ZSCAN18: variants seen among roughly 807,000 people sequenced by gnomAD.
ZSCAN18 encodes the protein zinc finger and SCAN domain-containing protein 18.
ZSCAN18 carries 16 observed loss-of-function variants against 31.1 expected under a neutral mutation model. The observed-to-expected ratio is 0.51, with a 90% CI of 0.35 to 0.78. The LOEUF (loss-of-function observed/expected upper bound fraction) is 0.78, where lower values mean the gene tolerates loss of function less well. Ranked by LOEUF, ZSCAN18 falls within the 30% of genes least tolerant of loss-of-function variation. The pLI, the probability that ZSCAN18 is intolerant of heterozygous loss-of-function variation, is 0.01. For synonymous variants in ZSCAN18, 375 were observed against 320.7 expected, an observed-to-expected ratio of 1.17 and a Z score of -1.81; for missense variants, 731 against 697.4, an observed-to-expected ratio of 1.05 and a Z score of -0.54.
At chr19:58,086,638 G>T (rs1015848853) in intron 5 of ZSCAN18, 11 of 503,884 alleles carry the variant, frequency 2.2e-5, no homozygotes, top group African/African-American at 2.1e-4. Context: ...TGGCAAGGAG[G>T]GTGGCAATGT....
chr19:58,107,937 C>T (rs985237570), intron 1 of ZSCAN18: 1 of 1,074,742 alleles, frequency 9.3e-7, no homozygotes, highest in Non-Finnish European at 1.1e-6. Flanking sequence ...GGGCTTCTCA[C>T]CAGTATGAGT....
At position 58,085,051 on chromosome 19, in the gene ZSCAN18, G is replaced by A. The variant is rs760366469; in HGVS notation, c.1167C>T (p.Gly389=). ...GCCCGGCCTCCAGCCCTGCGCTGTC[G>A]CCGGAGCTAGAGACGCCCTCGAGGC... ...GQSLEGVSSS[G]DSAGLEAGQG... is the part of the protein sequence containing the mutation. Residue 389 remains glycine, a synonymous_variant, in exon 7 of 7, where the codon GGC becomes GGT. Coordinates refer to ENST00000601144, the MANE Select transcript of ZSCAN18 (RefSeq NM_001145543.2). 1.6e-5 allele frequency: 26 copies of A among 1,597,450 alleles called. No individual in the cohort carries two copies. The highest frequency in any genetic ancestry group is 9.0e-5 in the East Asian group (4 of 44,498).
chr19:58,089,236 G>A (rs2074353747), intron 2 of ZSCAN18, among the ~76,000 whole-genome samples: 1 of 141,760 alleles, frequency 7.1e-6, no homozygotes, highest in Non-Finnish European at 1.5e-5. Flanking sequence ...CCGGGAGGCG[G>A]AGCTTGCAGT....
At chr19:58,099,116 T>C (rs902931504), upstream of ZSCAN18, among the ~76,000 whole-genome samples, 1 of 148,758 alleles carries the variant, frequency 6.7e-6, no homozygotes, top group African/African-American at 2.4e-5. Flanking sequence ...AAAATGTATA[T>C]CTGAACAGTT....
chr19:58,098,813 C>T (rs1299601131), upstream of ZSCAN18, among the ~76,000 whole-genome samples: 1 of 152,170 alleles, frequency 6.6e-6, no homozygotes, highest in Admixed American at 6.5e-5. Context: ...GACCAGCAGA[C>T]CCAGTACTGG....
At chr19:58,098,859 G>A (rs73577096), upstream of ZSCAN18, among the ~76,000 whole-genome samples, 2,911 of 152,256 alleles carry the variant, frequency 0.019, 103 homozygotes, top group African/African-American at 0.065. Context: ...ACACTGATGC[G>A]CTAAAATGGG....
At chr19:58,093,347 G>A (rs2074453688) in intron 1 of ZSCAN18, 1 of 152,364 alleles carries the variant, frequency 6.6e-6, no homozygotes, top group Admixed American at 6.5e-5. Context: ...TGCCTCATTT[G>A]TTTTTGGCAG....
intron 1 of ZSCAN18, among the ~76,000 whole-genome samples, chr19:58,113,872 G>A (rs756790044): frequency 6.6e-6 from 1 of 152,128 alleles, no homozygotes; most frequent in Non-Finnish European, 1.5e-5. Context: ...CAGCTACTCG[G>A]GAGGCTGAGG....
At position 58,084,795 on chromosome 19, in the gene ZSCAN18, G is replaced by A. The variant is rs1245690645; in HGVS notation, c.1423C>T (p.Arg475Trp). 6.3e-7 allele frequency: 1 copy of A among 1,579,088 alleles called. No homozygotes were observed. Among genetic ancestry groups the A allele is most frequent in the Non-Finnish European group, 8.6e-7 (1 of 1,168,416 alleles). ...KEKSYALGGA[R>W]GPQPSTREAQ... The stretch of plus-strand genomic sequence containing the variant: ...TCGCGGGTGGACGGTTGGGGGCCCC[G>A]GGCGCCCCCCAGCGCGTAGCTTTTC... Residue 475 changes from arginine to tryptophan, a missense_variant, in exon 7 of 7, where the codon CGG becomes TGG. Arg to Trp is a moderately radical substitution (Grantham distance 101). Around this residue, in one of 4 missense-constraint regions of ZSCAN18, gnomAD observed 597 missense variants for 499.5 expected, o/e 1.20. Transcript: ENST00000601144. The surrounding 1 kb of genome is among the most constrained non-coding windows in gnomAD (Gnocchi z 4.5).
At chr19:58,086,417 C>T in intron 5 of ZSCAN18, 151 bp from the exon 6 acceptor site, 1 of 613,560 alleles carries the variant, frequency 1.6e-6, no homozygotes, top group Non-Finnish European at 2.8e-6. Context: ...TGTTAGGCCC[C>T]TGGACAGTGG....
chr19:58,118,347 C>G, exon 1 of ZSCAN18: 1 of 1,533,698 alleles, frequency 6.5e-7, no homozygotes, highest in Non-Finnish European at 8.8e-7. Context: ...ACGGAACTCA[C>G]TTCCCGCCGC....
intron 1 of ZSCAN18, among the ~76,000 whole-genome samples, chr19:58,091,265 CAAAAA>C (rs5828749): frequency 1.7e-5 from 2 of 116,050 alleles, no homozygotes; most frequent in Admixed American, 8.8e-5. Flanking sequence ...GACTCTGTCT[CAAAAA>C]AAAAAAAAAA....
At chr19:58,117,779 A>G (rs527907367) in intron 1 of ZSCAN18, among the ~76,000 whole-genome samples, 176 of 151,320 alleles carry the variant, frequency 1.2e-3, no homozygotes, top group African/African-American at 4.2e-3. Context: ...AAAAAAAAAA[A>G]GGGATCCGCC....
intron 1 of ZSCAN18, among the ~76,000 whole-genome samples, chr19:58,111,202 G>A (rs1222616527): frequency 2.0e-5 from 3 of 151,874 alleles, no homozygotes; most frequent in Non-Finnish European, 4.4e-5. Context: ...GGAGGTAATC[G>A]CTGCTCTGAC....
intron 1 of ZSCAN18, among the ~76,000 whole-genome samples, chr19:58,097,367 T>A (rs1389060960): frequency 4.0e-5 from 6 of 148,150 alleles, no homozygotes; most frequent in Non-Finnish European, 1.5e-5. Context: ...GGGGAAGGAG[T>A]GATGGGAGGG....
rs1273831407 is a variant in ZSCAN18, at chr19:58,090,683, G to A, written c.-119-297C>T. On this transcript the variant is annotated intron_variant, in intron 1 of 6. Coordinates refer to ENST00000601144, the MANE Select transcript of ZSCAN18 (RefSeq NM_001145543.2). This position sits in a 1 kb window ranked among gnomAD's most constrained non-coding sequence, Gnocchi z 4.7. ...CGGCTCAATGCAACCTCTACCTCCC[G>A]GGTTCAAGCGAGTCTCCTGCCTCAG... The A allele has an allele frequency of 1.6e-5, 4 of 245,904 alleles. No homozygotes were observed. Among genetic ancestry groups the A allele is most frequent in the South Asian group, 1.2e-4 (1 of 8,674 alleles). The allele number at this position is 245,904 out of a possible 1,614,324, so 15.2% of individuals were successfully genotyped here.
Position 58,090,371 on chromosome 19 carries a change from G to A in ZSCAN18, c.-104C>T. On this transcript the variant is annotated 5_prime_UTR_variant, in exon 2 of 7. Coordinates refer to ENST00000601144, the MANE Select transcript of ZSCAN18 (RefSeq NM_001145543.2). This position sits in a 1 kb window ranked among gnomAD's most constrained non-coding sequence, Gnocchi z 4.7. The stretch of plus-strand genomic sequence containing the variant: ...CAGATGCCCAGTGGGCTCAGGTGGT[G>A]CCAGAACCCACAGACCTGCAGAGGA... 1 of 1,581,108 alleles carries A rather than the reference G, an allele frequency of 6.3e-7. No individual in the cohort carries two copies. The highest frequency in any genetic ancestry group is 8.6e-7 in the Non-Finnish European group (1 of 1,161,100).
chr19:58,115,478 TC>T (rs1402578322), intron 1 of ZSCAN18, among the ~76,000 whole-genome samples: 1 of 152,206 alleles, frequency 6.6e-6, no homozygotes, highest in African/African-American at 2.4e-5. Flanking sequence ...TGCATTTACT[TC>T]CTGTTTTCTT....
intron 3 of ZSCAN18, 90 bp downstream of exon 3, chr19:58,088,598 G>A: frequency 7.2e-7 from 1 of 1,396,992 alleles, no homozygotes; most frequent in South Asian, 1.3e-5. Flanking sequence ...TGACTCCCTG[G>A]CTGCCCTTCT....
Sources: gnomAD v4.1 joint callset for allele counts (sites outside exome capture counted in the v4.1 genomes callset) on GRCh38, gnomAD v4.1.1 for gene constraint, gnomAD v4.1.1 regional missense constraint, Gnocchi (gnomAD v3.1) non-coding constraint, MANE v1.5 for transcripts, NCBI Gene and HGNC (gene_info 2026-07-23, HGNC 2026-07-21) for gene names.